ZBTB20: variants seen among roughly 807,000 people sequenced by gnomAD.
ZBTB20 encodes the protein zinc finger and BTB domain-containing protein 20.
In ZBTB20, 9 loss-of-function variants were observed where a neutral mutation model predicts 56.9. That is an observed-to-expected ratio of 0.16 (90% CI 0.10 to 0.28). ZBTB20 has a LOEUF of 0.28. Among genes scored for constraint, ZBTB20 ranks in the 10% least tolerant of loss-of-function variants. The pLI is 1.00. For missense variants in ZBTB20, 655 were observed against 1,003.0 expected, an observed-to-expected ratio of 0.65 and a Z score of 4.69; for synonymous variants, 417 against 420.7, an observed-to-expected ratio of 0.99 and a Z score of 0.11.
At chr3:114,766,308 A>G (rs981209190) in intron 5 of ZBTB20, among the ~76,000 whole-genome samples, 1 of 152,174 alleles carries the variant, frequency 6.6e-6, no homozygotes, top group Non-Finnish European at 1.5e-5. Context: ...CGGATAAAAA[A>G]GCCTGTAGAC....
chr3:114,353,368 G>A (rs771449480), intron 10 of ZBTB20, among the ~76,000 whole-genome samples: 7 of 152,152 alleles, frequency 4.6e-5, no homozygotes, highest in Non-Finnish European at 1.0e-4. Flanking sequence ...TTCAATGAGC[G>A]TTTCTACCTT....
chr3:114,480,084 C>A (rs1041582547), intron 7 of ZBTB20, among the ~76,000 whole-genome samples: 1 of 152,134 alleles, frequency 6.6e-6, no homozygotes, highest in Non-Finnish European at 1.5e-5. Context: ...TATATTTGTT[C>A]CTAACAAAGC....
intron 7 of ZBTB20, among the ~76,000 whole-genome samples, chr3:114,444,089 T>C (rs1416878728): frequency 6.6e-6 from 1 of 152,150 alleles, no homozygotes; most frequent in African/African-American, 2.4e-5. Flanking sequence ...GAAACAAGGA[T>C]TGTTCCAGTT....
intron 6 of ZBTB20, among the ~76,000 whole-genome samples, chr3:114,651,898 T>C (rs888689803): frequency 1.3e-5 from 2 of 152,018 alleles, no homozygotes; most frequent in Non-Finnish European, 2.9e-5. Flanking sequence ...ATCAGAGCAA[T>C]AGGCAGAAGA....
intron 6 of ZBTB20, among the ~76,000 whole-genome samples, chr3:114,511,123 C>A (rs1177752262): frequency 6.7e-6 from 1 of 149,120 alleles, no homozygotes. Flanking sequence ...AAAAGGCAAC[C>A]TTTAAAGTTA....
rs1036209244 is a variant in ZBTB20 at position 114,316,216 on chromosome 3, G to A, written c.*22789C>T. The A allele has an allele frequency of 1.3e-5, 4 of 308,076 alleles. No individual in the cohort carries two copies. In the Admixed American group the frequency reaches 1.6e-4, roughly 12 times the overall value. The allele number at this position is 308,076 out of a possible 1,614,324, so 19.1% of individuals were successfully genotyped here. On this transcript the variant is annotated 3_prime_UTR_variant, in exon 12 of 12. Transcript: ENST00000675478. ...TGGTATATAGAACATTACTGCATTC[G>A]CATCGGATCAAGATGGTTTCGCCCA...
At chr3:114,533,725 G>C (rs1010676324) in intron 6 of ZBTB20, among the ~76,000 whole-genome samples, 10 of 152,200 alleles carry the variant, frequency 6.6e-5, no homozygotes, top group African/African-American at 2.2e-4. Context: ...AAAATGTTAA[G>C]GGCAGCCAGA....
At chr3:114,472,790 G>A (rs2040291271) in intron 7 of ZBTB20, among the ~76,000 whole-genome samples, 1 of 152,126 alleles carries the variant, frequency 6.6e-6, no homozygotes, top group Non-Finnish European at 1.5e-5. Context: ...CCCTGGGGAA[G>A]CTTCAGAATG....
intron 3 of ZBTB20, among the ~76,000 whole-genome samples, chr3:114,919,143 T>C (rs2075857693): frequency 6.6e-6 from 1 of 152,210 alleles, no homozygotes; most frequent in Non-Finnish European, 1.5e-5. Context: ...GAATATTTGT[T>C]AATGGATACA....
intron 5 of ZBTB20, among the ~76,000 whole-genome samples, chr3:114,724,826 A>G (rs1373514301): frequency 6.6e-6 from 1 of 152,226 alleles, no homozygotes; most frequent in Non-Finnish European, 1.5e-5. Context: ...TGATTTGCCA[A>G]AGAAAAAGAG....
intron 8 of ZBTB20, among the ~76,000 whole-genome samples, chr3:114,386,628 C>T (rs2085159396): frequency 6.6e-6 from 1 of 152,152 alleles, no homozygotes. Context: ...TCTTCCCCCA[C>T]TTTCACATCT....
chr3:114,572,144 G>C (rs2053512029), intron 6 of ZBTB20, among the ~76,000 whole-genome samples: 1 of 152,164 alleles, frequency 6.6e-6, no homozygotes, highest in South Asian at 2.1e-4. Context: ...TTAGTAACTT[G>C]TTCTGGGTGC....
At chr3:115,066,328 C>T (rs968444674) in intron 2 of ZBTB20, among the ~76,000 whole-genome samples, 8 of 151,832 alleles carry the variant, frequency 5.3e-5, no homozygotes, top group African/African-American at 1.9e-4. Context: ...GAGAGTCATC[C>T]TAAACTTCTC....
intron 7 of ZBTB20, among the ~76,000 whole-genome samples, chr3:114,410,155 G>C (rs534954305): frequency 1.3e-5 from 2 of 152,030 alleles, no homozygotes; most frequent in Admixed American, 6.6e-5. Flanking sequence ...GCTGAACAAT[G>C]GATGCCAGGA....
rs893307739 is a variant in ZBTB20 at position 114,325,771 on chromosome 3, T to A, written c.*13234A>T. The A allele has an allele frequency of 2.0e-5, 3 of 152,194 alleles. No homozygotes were observed. The highest frequency in any genetic ancestry group is 7.2e-5 in the African/African-American group (3 of 41,438). 9.4% of individuals were successfully genotyped at this position (152,194 alleles called of 1,614,324 possible). The stretch of plus-strand genomic sequence containing the variant: ...TTAAAGATTGAGCCAAGAATGTCAA[T>A]TATAGCACAAAAGAAAGGTTACAAA... On this transcript the variant is annotated 3_prime_UTR_variant, in exon 12 of 12. Transcript: ENST00000675478.
chr3:114,603,646 T>C (rs2056925753), intron 6 of ZBTB20, among the ~76,000 whole-genome samples: 1 of 151,876 alleles, frequency 6.6e-6, no homozygotes, highest in Non-Finnish European at 1.5e-5. Context: ...GCAGCTCACA[T>C]AGATAAAAGG....
At chr3:115,076,749 A>T (rs1030092175) in intron 1 of ZBTB20, among the ~76,000 whole-genome samples, 4 of 152,220 alleles carry the variant, frequency 2.6e-5, no homozygotes, top group Admixed American at 6.5e-5. Flanking sequence ...CAACCTATGG[A>T]ATAGAAGAAA....
At chr3:114,941,410 C>T (rs1004228133) in intron 3 of ZBTB20, among the ~76,000 whole-genome samples, 1 of 146,256 alleles carries the variant, frequency 6.8e-6, no homozygotes, top group Non-Finnish European at 1.5e-5. Context: ...TTTTAAAATG[C>T]TTTCAAATCA....
At chr3:114,508,513 C>A (rs1199281584) in intron 6 of ZBTB20, among the ~76,000 whole-genome samples, 1 of 152,106 alleles carries the variant, frequency 6.6e-6, no homozygotes, top group Non-Finnish European at 1.5e-5. Context: ...TAACATGTAC[C>A]AATCAACAGG....
Sources: gnomAD v4.1 joint callset for allele counts (sites outside exome capture counted in the v4.1 genomes callset) on GRCh38, gnomAD v4.1.1 for gene constraint, MANE v1.5 for transcripts, NCBI Gene and HGNC (gene_info 2026-07-23, HGNC 2026-07-21) for gene names.